The following SLC25A34 variants were observed in gnomAD, a reference collection of about 807,000 sequenced individuals.
SLC25A34 encodes the protein solute carrier family 25 member 34.
SLC25A34 carries 26 observed loss-of-function variants against 28.1 expected under a neutral mutation model. The observed-to-expected ratio is 0.93, with a 90% confidence interval of 0.68 to 1.28. SLC25A34 has a LOEUF of 1.28. SLC25A34 is among the 50% of genes most tolerant of loss of function. The pLI is 0.00. For synonymous variants in SLC25A34, 182 were observed against 182.2 expected (o/e 1.00, Z 0.01); for missense variants, 384 against 409.8 (o/e 0.94, Z 0.54).
rs1247453114 is a variant in SLC25A34 at position 15,736,637 on chromosome 1, A to G, written c.152A>G (p.His51Arg). 6.3e-7 allele frequency: 1 copy of G among 1,588,536 alleles called. No homozygotes were observed. The highest frequency in any genetic ancestry group is 1.8e-5 in the Admixed American group (1 of 55,666). Residue 51 changes from histidine to arginine, a missense_variant, in exon 1 of 5, where the codon CAT becomes CGT. His to Arg is a conservative substitution (Grantham distance 29). Coordinates refer to ENST00000294454, the MANE Select transcript of SLC25A34 (RefSeq NM_207348.3). The part of the protein sequence containing the change: ...QARGTYPRPY[H>R]GFIASVAAVA... ...CGGGGCACCTACCCACGGCCCTACC[A>G]TGGCTTCATAGCCTCTGTCGCTGCT... is the stretch of plus-strand genomic sequence containing the variant.
intron 1 of SLC25A34, chr1:15,737,687 CG>C: frequency 1.8e-6 from 1 of 554,018 alleles, no homozygotes; most frequent in Non-Finnish European, 3.2e-6. Flanking sequence ...GCTTTCCAAC[CG>C]TGACAGAATT....
rs935912215 is a variant in SLC25A34, at chr1:15,740,133, G to A, written c.*727G>A. On this transcript the variant is annotated 3_prime_UTR_variant, in exon 5 of 5. Transcript: ENST00000294454. ...GTGTCAGTGGGCTGGTTTCTTCTGA[G>A]GCCTCTGTCCATGGCTTGCAGATGC... 6.6e-6 allele frequency: 1 copy of A among 152,282 alleles called. No homozygotes were observed. Among genetic ancestry groups the A allele is most frequent in the Non-Finnish European group, 1.5e-5 (1 of 68,094 alleles). 9.4% of individuals were successfully genotyped at this position (152,282 alleles called of 1,614,324 possible).
intron 1 of SLC25A34, 46 bp from the exon 2 acceptor site, chr1:15,737,883 T>A (rs2068240416): frequency 6.2e-7 from 1 of 1,609,504 alleles, no homozygotes; most frequent in South Asian, 1.1e-5. Context: ...TCACCCTGGC[T>A]CTCCCAGGCT....
At position 15,739,587 on chromosome 1, in the gene SLC25A34, A is replaced by G. The variant is rs2068261522; in HGVS notation, c.*181A>G. 3 of 555,434 alleles carry G rather than the reference A, an allele frequency of 5.4e-6. No homozygotes were observed. The highest frequency in any genetic ancestry group is 4.7e-4 in the Middle Eastern group (1 of 2,110). 34.4% of individuals were successfully genotyped at this position (555,434 alleles called of 1,614,324 possible). A position where few individuals can be genotyped will look rare whatever the true frequency, so the allele number is the denominator to read the frequency against. ...TGGCCCACCCAGGTCCAGAGCATCC[A>G]CTTCAAGTTACCACCCATTCTGTCT... On this transcript the variant is annotated 3_prime_UTR_variant, in exon 5 of 5. Coordinates refer to ENST00000294454, the MANE Select transcript of SLC25A34 (RefSeq NM_207348.3).
chr1:15,738,890 T>C, intron 4 of SLC25A34, 162 bp downstream of exon 4: 1 of 958,494 alleles, frequency 1.0e-6, no homozygotes, highest in East Asian at 3.1e-5. Context: ...GCTTGTTTGC[T>C]GAGCCCCCGG....
At chr1:15,739,149 C>A (rs2068255844) in intron 4 of SLC25A34, 75 bp from the exon 5 acceptor site, 8 of 1,539,102 alleles carry the variant, frequency 5.2e-6, no homozygotes, top group Non-Finnish European at 7.1e-6. Flanking sequence ...GTGAAATTGA[C>A]CCGTGTGCCA....
Position 15,739,039 on chromosome 1 carries a change from G to C in SLC25A34, c.733-185G>C, listed in dbSNP as rs934884229. Reference sequence around the variant, plus strand: ...GTTCCCCCAGCTGGTAAGGGGAGGAGCCAGAACTGGAATTCAGGCCTGACC... The same window carrying C: ...GTTCCCCCAGCTGGTAAGGGGAGGACCCAGAACTGGAATTCAGGCCTGACC... On this transcript the variant is annotated intron_variant, in intron 4 of 4. Coordinates refer to ENST00000294454, the MANE Select transcript of SLC25A34 (RefSeq NM_207348.3). The C allele has an allele frequency of 4.2e-5, 31 of 743,014 alleles. No individual in the cohort carries two copies. The African/African-American group carries it at 5.3e-4, about 13-fold the overall frequency. 46.0% of individuals were successfully genotyped at this position (743,014 alleles called of 1,614,324 possible).
intron 3 of SLC25A34, 113 bp from the exon 4 acceptor site, chr1:15,738,481 T>C: frequency 6.9e-7 from 1 of 1,448,820 alleles, no homozygotes; most frequent in South Asian, 1.4e-5. Flanking sequence ...AGGGGCCTCA[T>C]CTGCTCCCCT....
Position 15,736,612 on chromosome 1 carries a change from C to CG in SLC25A34, c.131dup (p.Thr45HisfsTer159), listed in dbSNP as rs1557668037. On this transcript the variant is annotated frameshift_variant, in exon 1 of 5. Coordinates refer to ENST00000294454, the MANE Select transcript of SLC25A34 (RefSeq NM_207348.3). LOFTEE classifies it high-confidence loss of function. ...GCAGCTGCAGGGGGAGCTGCAGGCC[C>CG]GGGGCACCTACCCACGGCCCTACCA... is the stretch of plus-strand genomic sequence containing the variant. The CG allele has an allele frequency of 6.4e-7, 1 of 1,563,362 alleles. No homozygotes were observed. The highest frequency in any genetic ancestry group is 8.7e-7 in the Non-Finnish European group (1 of 1,154,994).
At chr1:15,736,928 G>A (rs2068230962) in intron 1 of SLC25A34, 65 bp downstream of exon 1, 4 of 1,438,382 alleles carry the variant, frequency 2.8e-6, no homozygotes, top group Non-Finnish European at 2.7e-6. Flanking sequence ...CAGGGGCCCT[G>A]CAGCCTCCAA....
chr1:15,738,024 GGGGCATGGATT>G (rs2068242278), intron 2 of SLC25A34, 30 bp downstream of exon 2: 1 of 1,613,992 alleles, frequency 6.2e-7, no homozygotes, highest in Non-Finnish European at 8.5e-7. Flanking sequence ...GAGCTCCCTG[GGGGCATGGATT>G]GGGCATGCTC....
chr1:15,736,992 C>T (rs2068231688), intron 1 of SLC25A34, 129 bp downstream of exon 1: 1 of 1,250,618 alleles, frequency 8.0e-7, no homozygotes, highest in Non-Finnish European at 1.1e-6. Context: ...GGGGCTGCTC[C>T]CTGGAACATC....
At position 15,738,074 on chromosome 1, in the gene SLC25A34, C is replaced by T; in HGVS notation, c.445-19C>T. On this transcript the variant is annotated intron_variant, in intron 2 of 4. Coordinates refer to ENST00000294454, the MANE Select transcript of SLC25A34 (RefSeq NM_207348.3). The stretch of plus-strand genomic sequence containing the variant: ...GCCTAGGCAGGGGTGGCCAGTGACC[C>T]CGTGCCCTCTCCCCACAGACTGTCC... The T allele has an allele frequency of 1.2e-6, 2 of 1,611,462 alleles. No homozygotes were observed. The highest frequency in any genetic ancestry group is 1.7e-6 in the Non-Finnish European group (2 of 1,178,566).
chr1:15,739,403 C>T lies in SLC25A34; in HGVS notation c.912C>T (p.Thr304=). 1.3e-6 allele frequency: 2 copies of T among 1,509,682 alleles called. No homozygotes were observed. The highest frequency in any genetic ancestry group is 1.8e-6 in the Non-Finnish European group (2 of 1,128,982). 93.5% of individuals were successfully genotyped at this position (1,509,682 alleles called of 1,614,324 possible). ...CTGGGCGGGCCCAGCACAAGGGCAC[C>T]TAGACGACGGCCCTCACCCCCACGT... The part of the protein sequence containing the change: ...KLAGRAQHKG[T] Residue 304 remains threonine, a synonymous_variant, in exon 5 of 5, where the codon ACC becomes ACT. Transcript: ENST00000294454.
intron 4 of SLC25A34, 114 bp downstream of exon 4, chr1:15,738,842 A>C: frequency 7.6e-7 from 1 of 1,317,248 alleles, no homozygotes; most frequent in Non-Finnish European, 9.9e-7. Context: ...AGCCAGAGAC[A>C]CGCAGACACA....
rs1345405433 is a variant in SLC25A34, at chr1:15,736,307, G to A, written c.-179G>A. 5.7e-6 allele frequency: 3 copies of A among 530,444 alleles called. No individual in the cohort carries two copies. Among genetic ancestry groups the A allele is most frequent in the African/African-American group, 2.0e-5 (1 of 50,772 alleles). The allele number at this position is 530,444 out of a possible 1,614,324, so 32.9% of individuals were successfully genotyped here. A position where few individuals can be genotyped will look rare whatever the true frequency, so the allele number is the denominator to read the frequency against. On this transcript the variant is annotated 5_prime_UTR_variant, in exon 1 of 5. Coordinates refer to ENST00000294454, the MANE Select transcript of SLC25A34 (RefSeq NM_207348.3). ...GCAGGTGGACTGCTGAGATAGACCA[G>A]GGACACCAGGCAGCCACAGGCCTGT...
rs1159245983 is a variant in SLC25A34, at chr1:15,738,261, C to A, written c.597+16C>A. 3 of 1,580,838 alleles carry A rather than the reference C, an allele frequency of 1.9e-6. 1 individual carries two copies. Among genetic ancestry groups the A allele is most frequent in the South Asian group, 2.3e-5 (2 of 85,656 alleles). On this transcript the variant is annotated intron_variant, in intron 3 of 4. Transcript: ENST00000294454. ...GAAGCAACAGGTGAGGAGCTGGGGA[C>A]ACCTGTGCCTATCCACAGAGACACA...
At chr1:15,737,098 G>C (rs1336992870) in intron 1 of SLC25A34, among the ~76,000 whole-genome samples, 1 of 152,220 alleles carries the variant, frequency 6.6e-6, no homozygotes, top group Non-Finnish European at 1.5e-5. Flanking sequence ...GCCAGGGGAG[G>C]GGGCAGAGGG....
chr1:15,739,702 A>G lies in SLC25A34; in HGVS notation c.*296A>G. The G allele has an allele frequency of 3.4e-6, 1 of 296,998 alleles. No individual in the cohort carries two copies. The highest frequency in any genetic ancestry group is 6.2e-6 in the Non-Finnish European group (1 of 160,622). The allele number at this position is 296,998 out of a possible 1,614,324, so 18.4% of individuals were successfully genotyped here. On this transcript the variant is annotated 3_prime_UTR_variant, in exon 5 of 5. Coordinates refer to ENST00000294454, the MANE Select transcript of SLC25A34 (RefSeq NM_207348.3). ...GTTATAGCAACTGCTGCGGGCGTGC[A>G]CATGGCATAGGCCCAGTAACTTACA...
Sources: allele counts gnomAD v4.1 joint callset (sites outside exome capture counted in the v4.1 genomes callset), GRCh38; gene constraint gnomAD v4.1.1; transcripts MANE v1.5; gene names NCBI Gene and HGNC (gene_info 2026-07-23, HGNC 2026-07-21).